The following FSTL1 variants were observed in gnomAD, a reference collection of about 807,000 sequenced individuals.
FSTL1 encodes follistatin like 1, also known as follistatin-related protein 1.
A neutral mutation model predicts 45.9 loss-of-function variants in FSTL1; 24 were observed. The ratio of observed to expected loss-of-function variants is 0.52; its 90% confidence interval spans 0.38 to 0.74. FSTL1 has a LOEUF of 0.74. FSTL1 is among the 30% of genes least tolerant of loss of function. The pLI, the probability that FSTL1 is intolerant of heterozygous loss-of-function variation, is 0.00. For synonymous variants in FSTL1, 120 were observed against 137.6 expected (o/e 0.87, Z 0.89); for missense variants, 340 against 381.8 (o/e 0.89, Z 0.91).
At chr3:120,445,225 T>C (rs1200872365) in intron 2 of FSTL1, among the ~76,000 whole-genome samples, 1 of 149,906 alleles carries the variant, frequency 6.7e-6, no homozygotes, top group African/African-American at 2.5e-5. Flanking sequence ...TTGCTGCACA[T>C]CCTTGTAGCT....
In FSTL1 at chr3:120,435,315, C is replaced by A. The variant is rs893519196; in HGVS notation, c.63+15369G>T. 2.6e-5 allele frequency among the ~76,000 whole-genome samples: 4 copies of A among 152,328 alleles called. No individual in the cohort carries two copies. In the South Asian group the frequency reaches 6.2e-4, roughly 24 times the overall value. On this transcript the variant is annotated intron_variant, in intron 2 of 10. Transcript: ENST00000295633. Reference sequence around the variant, plus strand: ...CAGTATTTTCTCATGAAGCACTTAACAGAAATTCTTCACTCAATTGCCTCA... The same window carrying A: ...CAGTATTTTCTCATGAAGCACTTAAAAGAAATTCTTCACTCAATTGCCTCA...
At chr3:120,447,041 G>A (rs1418370619) in intron 2 of FSTL1, among the ~76,000 whole-genome samples, 1 of 152,138 alleles carries the variant, frequency 6.6e-6, no homozygotes, top group Non-Finnish European at 1.5e-5. Context: ...AAGGGAGAGT[G>A]GGGGTATGCT....
At chr3:120,446,756 T>C (rs1937751614) in intron 2 of FSTL1, among the ~76,000 whole-genome samples, 1 of 152,174 alleles carries the variant, frequency 6.6e-6, no homozygotes. Flanking sequence ...ACAATGCCGA[T>C]AATAGGGTAC....
At chr3:120,426,249 ACAGG>A (rs1222216050) in intron 2 of FSTL1, among the ~76,000 whole-genome samples, 1 of 152,138 alleles carries the variant, frequency 6.6e-6, no homozygotes, top group Non-Finnish European at 1.5e-5. Flanking sequence ...AATTCTCAAG[ACAGG>A]CAGTTTTAGA....
At chr3:120,399,656 C>T (rs771158491) in intron 10 of FSTL1, among the ~76,000 whole-genome samples, 5 of 152,284 alleles carry the variant, frequency 3.3e-5, no homozygotes, top group African/African-American at 4.8e-5. Flanking sequence ...CAGCCACTCA[C>T]CGAGCTGTAA....
Position 120,402,887 on chromosome 3 carries a change from A to G in FSTL1, c.726T>C (p.Asp242=), listed in dbSNP as rs573306533. ...KCALEDETYA[D]GAETEVDCNR... ...TACAGTCCACCTCGGTCTCAGCTCC[A>G]TCTGCATACGTTTCATCCTCCAGGG... Residue 242 remains aspartate (D), a synonymous_variant, in exon 9 of 11, where the codon GAT becomes GAC. Coordinates refer to ENST00000295633, the MANE Select transcript of FSTL1 (RefSeq NM_007085.5). The G allele has an allele frequency of 6.2e-7, 1 of 1,613,230 alleles. No homozygotes were observed. Among genetic ancestry groups the G allele is most frequent in the Non-Finnish European group, 8.5e-7 (1 of 1,179,222 alleles).
intron 2 of FSTL1, chr3:120,423,624 T>C (rs1356032368): frequency 6.6e-6 from 1 of 152,036 alleles, no homozygotes; most frequent in Admixed American, 6.6e-5. Context: ...GGTGCTTCTG[T>C]TCTCATGGTC....
intron 2 of FSTL1, among the ~76,000 whole-genome samples, chr3:120,418,298 A>G (rs1937220930): frequency 1.3e-5 from 2 of 152,232 alleles, no homozygotes; most frequent in Non-Finnish European, 2.9e-5. Flanking sequence ...AAGACCAGAA[A>G]GGTCAGATAA....
chr3:120,442,928 C>T (rs1387693983), intron 2 of FSTL1, among the ~76,000 whole-genome samples: 1 of 115,066 alleles, frequency 8.7e-6, no homozygotes, highest in African/African-American at 4.1e-5. Flanking sequence ...GAACATCACA[C>T]TCTGGGGACT....
chr3:120,444,817 C>T (rs1937702322), intron 2 of FSTL1, among the ~76,000 whole-genome samples: 1 of 149,786 alleles, frequency 6.7e-6, no homozygotes, highest in Admixed American at 6.6e-5. Flanking sequence ...TAAATTTTTA[C>T]AGTCGTGAGA....
chr3:120,448,613 CTG>C (rs1244375401), intron 2 of FSTL1, among the ~76,000 whole-genome samples: 3 of 152,224 alleles, frequency 2.0e-5, no homozygotes, highest in African/African-American at 7.2e-5. Flanking sequence ...TTTCCATACA[CTG>C]TGAGTTCACA....
chr3:120,403,242 T>A lies in FSTL1; in HGVS notation c.694A>T (p.Lys232Ter). Residue 232 changes from lysine (K) to a stop codon, truncating the protein, a stop_gained and splice_region_variant, in exon 8 of 11, where the codon AAG becomes TAG. Transcript: ENST00000295633. LOFTEE classifies it high-confidence loss of function. The part of the protein sequence containing the change: ...LNPSFNPPEK[K>*]CALEDETYAD... ...TCTCTATTTCTTAGGTTAGGCATAC[T>A]CTTCTCAGGAGGGTTGAAAGATGGG... 6.5e-7 allele frequency: 1 copy of A among 1,529,876 alleles called. No individual in the cohort carries two copies. The highest frequency in any genetic ancestry group is 9.1e-7 in the Non-Finnish European group (1 of 1,103,062). 94.8% of individuals were successfully genotyped at this position (1,529,876 alleles called of 1,614,324 possible). A position where few individuals can be genotyped will look rare whatever the true frequency, so the allele number is the denominator to read the frequency against.
intron 2 of FSTL1, among the ~76,000 whole-genome samples, chr3:120,434,313 G>GGGTAGGT (rs1937518996): frequency 6.6e-6 from 1 of 152,200 alleles, no homozygotes; most frequent in Non-Finnish European, 1.5e-5. Flanking sequence ...AGCCAGTTCT[G>GGGTAGGT]GGTAGGTGTG....
chr3:120,403,473 C>T, intron 7 of FSTL1, 119 bp from the exon 8 acceptor site: 1 of 635,708 alleles, frequency 1.6e-6, no homozygotes, highest in Non-Finnish European at 2.8e-6. Flanking sequence ...AAGATGACTG[C>T]TAACTAAAAC....
intron 2 of FSTL1, among the ~76,000 whole-genome samples, chr3:120,440,345 T>C (rs1937615747): frequency 6.6e-6 from 1 of 152,252 alleles, no homozygotes; most frequent in Non-Finnish European, 1.5e-5. Context: ...ACCTGGAAAG[T>C]TAAACGGCTG....
intron 2 of FSTL1, among the ~76,000 whole-genome samples, chr3:120,425,199 A>G (rs1937355390): frequency 6.6e-6 from 1 of 152,160 alleles, no homozygotes. Context: ...CATGCAGTCA[A>G]CAGCCTGCAC....
At chr3:120,409,803 C>G (rs1937017448) in intron 5 of FSTL1, 141 bp from the exon 6 acceptor site, 2 of 628,318 alleles carry the variant, frequency 3.2e-6, no homozygotes. Context: ...TTAGCACATC[C>G]AGGGTACACA....
At chr3:120,417,092 G>A (rs1937199367) in intron 2 of FSTL1, among the ~76,000 whole-genome samples, 1 of 152,190 alleles carries the variant, frequency 6.6e-6, no homozygotes, top group African/African-American at 2.4e-5. Context: ...TACTGGGCTA[G>A]ATGCTGTGAC....
intron 2 of FSTL1, among the ~76,000 whole-genome samples, chr3:120,450,032 C>CA (rs34772410): frequency 0.56 from 84,891 of 151,600 alleles, 27,907 homozygotes; most frequent in East Asian, 0.75. Context: ...AAAATTGGTA[C>CA]AAAAAAACAA....
Sources: gnomAD v4.1 joint callset for allele counts (sites outside exome capture counted in the v4.1 genomes callset) on GRCh38, gnomAD v4.1.1 for gene constraint, MANE v1.5 for transcripts, NCBI Gene and HGNC (gene_info 2026-07-23, HGNC 2026-07-21) for gene names.